PCNX2: variants seen among roughly 807,000 people sequenced by gnomAD.
PCNX2 encodes the protein pecanex 2, also known as pecanex-like protein 2.
In PCNX2, 168 loss-of-function variants were observed where a neutral mutation model predicts 223.8. The ratio of observed to expected loss-of-function variants is 0.75; its 90% CI spans 0.66 to 0.85. The LOEUF is 0.85. PCNX2 is among the 40% of genes least tolerant of loss of function. The pLI, the probability that PCNX2 is intolerant of heterozygous loss-of-function variation, is 0.00. For synonymous variants in PCNX2, 1,006 were observed against 1,052.6 expected (o/e 0.96, Z 0.86); for missense variants, 2,507 against 2,675.5 (o/e 0.94, Z 1.39).
intron 20 of PCNX2, among the ~76,000 whole-genome samples, chr1:233,136,282 T>A (rs190770341): frequency 1.3e-5 from 2 of 152,310 alleles, no homozygotes; most frequent in East Asian, 3.9e-4. Flanking sequence ...TATAGAAAAC[T>A]GGGGCCATGC....
In PCNX2 at chr1:233,217,920, A is replaced by G. The variant is rs756983244; in HGVS notation, c.2670T>C (p.Pro890=). Residue 890 remains proline, a synonymous_variant, in exon 12 of 34, where the codon CCT becomes CCC. Transcript: ENST00000258229. ...CQYSLLKSVQ[P]DPASPIHGHN... ...TTACGTGTATTGGTGAGGCGGGGTCAGGCTGAACACTCTAAAACACAAATC... is the reference window on the plus strand; with the variant it reads ...TTACGTGTATTGGTGAGGCGGGGTCGGGCTGAACACTCTAAAACACAAATC... 6.5e-5 allele frequency: 105 copies of G among 1,613,816 alleles called. 3 individuals are homozygous for G. The Middle Eastern group carries it at 1.3e-3, about 20-fold the overall frequency.
intron 10 of PCNX2, among the ~76,000 whole-genome samples, chr1:233,227,012 A>T (rs1276107027): frequency 6.6e-6 from 1 of 152,212 alleles, no homozygotes; most frequent in African/African-American, 2.4e-5. Flanking sequence ...ATTATTAATA[A>T]GAGTTACTTA....
the PCNX2 span, among the ~76,000 whole-genome samples, chr1:233,307,224 G>A: frequency 6.6e-6 from 1 of 152,180 alleles, no homozygotes; most frequent in African/African-American, 2.4e-5. Context: ...CAAATCTCAT[G>A]TTGAAATCTG....
In PCNX2 at chr1:233,139,802, C is replaced by T; in HGVS notation, c.3571G>A (p.Glu1191Lys). The change falls in exon 20 of 34, where the codon GAA (glutamate) becomes AAA (lysine). Residue 1191 changes from glutamate to lysine, a missense_variant. By Grantham distance (56) the Glu-to-Lys change is moderately conservative. This residue lies in a region of PCNX2 where 1,372 missense variants were observed against 1,509.4 expected (regional missense o/e 0.91). Coordinates refer to ENST00000258229, the MANE Select transcript of PCNX2 (RefSeq NM_014801.4). The surrounding 1 kb of genome is among the most constrained non-coding windows in gnomAD (Gnocchi z 4.4). ...ERLYVWLQCF[E>K]KYILYPALIL... ...AGCGCTGGGTACAAGATGTATTTTT[C>T]AAAACACTGAAGCCAAACATAGAGT... 6.2e-7 allele frequency: 1 copy of T among 1,613,320 alleles called. No homozygotes were observed. Among genetic ancestry groups the T allele is most frequent in the Non-Finnish European group, 8.5e-7 (1 of 1,179,698 alleles).
chr1:233,113,986 G>A (rs760536411), intron 21 of PCNX2, among the ~76,000 whole-genome samples: 1 of 152,194 alleles, frequency 6.6e-6, no homozygotes, highest in African/African-American at 2.4e-5. Flanking sequence ...ACTGTGTTCT[G>A]CAAATTGGGG....
intron 17 of PCNX2, among the ~76,000 whole-genome samples, chr1:233,170,854 T>C (rs770627597): frequency 6.6e-6 from 1 of 152,238 alleles, no homozygotes; most frequent in Non-Finnish European, 1.5e-5. Context: ...TCTATTCCTT[T>C]AGTAGTTGCA....
At chr1:233,283,755 A>G (rs1661307327) in intron 1 of PCNX2, among the ~76,000 whole-genome samples, 1 of 152,194 alleles carries the variant, frequency 6.6e-6, no homozygotes, top group African/African-American at 2.4e-5. Flanking sequence ...AAAATTAGAA[A>G]ATTACCATTT....
At chr1:233,210,411 G>A (rs552866741) in intron 12 of PCNX2, 1 of 162,982 alleles carries the variant, frequency 6.1e-6, no homozygotes, top group South Asian at 2.0e-4. Context: ...CCGAGTAGCT[G>A]GGACTACAGG....
At position 233,263,065 on chromosome 1, in the gene PCNX2, C is replaced by T; in HGVS notation, c.252G>A (p.Met84Ile). Residue 84 changes from methionine to isoleucine, a missense_variant, in exon 2 of 34, where the codon ATG (methionine) becomes ATA (isoleucine). Met to Ile is a conservative substitution (Grantham distance 10). Coordinates refer to ENST00000258229, the MANE Select transcript of PCNX2 (RefSeq NM_014801.4). ...IKLVSYRLHL[M>I]FDKGEVIQQK... ...GCTGAATTACTTCTCCTTTGTCAAA[C>T]ATGAGGTGTAGGCGATAACTGACCA... The T allele has an allele frequency of 6.2e-7, 1 of 1,613,668 alleles. No individual in the cohort carries two copies. Among genetic ancestry groups the T allele is most frequent in the East Asian group, 2.2e-5 (1 of 44,826 alleles).
Position 233,258,017 on chromosome 1 carries a change from T to C in PCNX2, c.1834+11A>G. 3 of 1,605,760 alleles carry C rather than the reference T, an allele frequency of 1.9e-6. No individual in the cohort carries two copies. The highest frequency in any genetic ancestry group is 2.6e-6 in the Non-Finnish European group (3 of 1,173,876). On this transcript the variant is annotated intron_variant, in intron 5 of 33. Coordinates refer to ENST00000258229, the MANE Select transcript of PCNX2 (RefSeq NM_014801.4). Reference sequence around the variant, plus strand: ...TGTCATCATCAGAACGGAAATGACATGGAATCGCACCTCGGAGAAGCCCAC... The same window carrying C: ...TGTCATCATCAGAACGGAAATGACACGGAATCGCACCTCGGAGAAGCCCAC...
chr1:233,317,825 C>A, the PCNX2 span, among the ~76,000 whole-genome samples: 1 of 152,210 alleles, frequency 6.6e-6, no homozygotes, highest in Non-Finnish European at 1.5e-5. Flanking sequence ...CAAAACAACA[C>A]CACAGGGCAG....
Position 233,221,728 on chromosome 1 carries a change from T to C in PCNX2, c.2505-3544A>G, listed in dbSNP as rs540840094. 1.4e-4 allele frequency among the ~76,000 whole-genome samples: 22 copies of C among 152,314 alleles called. No homozygotes were observed. The East Asian group carries it at 3.9e-3, about 27-fold the overall frequency. ...TGGCTGGGGAATAGGAAAGGACCCC[T>C]GACTCGAGGACACAACTCAGAGTGA... On this transcript the variant is annotated intron_variant, in intron 10 of 33. Coordinates refer to ENST00000258229, the MANE Select transcript of PCNX2 (RefSeq NM_014801.4).
chr1:233,279,180 T>A (rs936548028), intron 1 of PCNX2, among the ~76,000 whole-genome samples: 4 of 152,186 alleles, frequency 2.6e-5, no homozygotes, highest in African/African-American at 7.2e-5. Flanking sequence ...TAAATTTTTT[T>A]AAGAAATAAA....
intron 1 of PCNX2, chr1:233,290,887 A>G: frequency 1.0e-6 from 1 of 985,406 alleles, no homozygotes; most frequent in Non-Finnish European, 1.2e-6. Flanking sequence ...CTGCCCATAC[A>G]AACATATATG....
the PCNX2 span, among the ~76,000 whole-genome samples, chr1:233,306,911 G>C: frequency 6.6e-6 from 1 of 152,028 alleles, no homozygotes; most frequent in Non-Finnish European, 1.5e-5. Flanking sequence ...ATTAAGCTGT[G>C]TATATATGTT....
At chr1:233,040,185 C>T (rs1238112179) in intron 25 of PCNX2, among the ~76,000 whole-genome samples, 3 of 152,176 alleles carry the variant, frequency 2.0e-5, no homozygotes, top group Non-Finnish European at 2.9e-5. Context: ...AGACCTACCT[C>T]CTCTAAGACG....
At chr1:233,194,973 C>A (rs768510556) in intron 15 of PCNX2, among the ~76,000 whole-genome samples, 3 of 147,954 alleles carry the variant, frequency 2.0e-5, no homozygotes, top group Non-Finnish European at 4.4e-5. Flanking sequence ...GCCAAGATCA[C>A]GCTGCCGCAC....
At chr1:233,004,291 C>T (rs574345589) in intron 28 of PCNX2, among the ~76,000 whole-genome samples, 25 of 152,130 alleles carry the variant, frequency 1.6e-4, no homozygotes, top group South Asian at 8.3e-4. Context: ...TTTTTCCTGC[C>T]GTGCTTCCAT....
At chr1:233,181,449 C>T (rs192736438) in intron 15 of PCNX2, among the ~76,000 whole-genome samples, 3 of 152,228 alleles carry the variant, frequency 2.0e-5, no homozygotes, top group Admixed American at 6.5e-5. Flanking sequence ...CTGCCTGCCT[C>T]GGCCTCGCAA....
Sources: gnomAD v4.1 joint callset for allele counts (sites outside exome capture counted in the v4.1 genomes callset) on GRCh38, gnomAD v4.1.1 for gene constraint, gnomAD v4.1.1 regional missense constraint, Gnocchi (gnomAD v3.1) non-coding constraint, MANE v1.5 for transcripts, NCBI Gene and HGNC (gene_info 2026-07-23, HGNC 2026-07-21) for gene names.